FARS2: variants seen among roughly 807,000 people sequenced by gnomAD.
FARS2 encodes the protein phenylalanine--tRNA ligase, mitochondrial.
Under a neutral mutation model 46.4 loss-of-function variants are expected in FARS2, and 40 were observed. The ratio of observed to expected loss-of-function variants is 0.86; its 90% CI spans 0.67 to 1.12. The LOEUF is 1.12. Among genes scored for constraint, FARS2 ranks in the 50% most tolerant of loss-of-function variants. The pLI is 0.00. For synonymous variants in FARS2, 234 were observed against 214.9 expected (o/e 1.09, Z -0.78); for missense variants, 513 against 567.9 (o/e 0.90, Z 0.98).
intron 4 of FARS2, among the ~76,000 whole-genome samples, chr6:5,453,641 T>C (rs940692816): frequency 2.2e-4 from 34 of 152,362 alleles, no homozygotes; most frequent in African/African-American, 8.2e-4. Context: ...AATCCAAATC[T>C]GCAAATTATT....
chr6:5,656,222 C>T (rs879405379), intron 6 of FARS2, among the ~76,000 whole-genome samples: 1 of 152,184 alleles, frequency 6.6e-6, no homozygotes, highest in Admixed American at 6.5e-5. Context: ...ATCCCCAACT[C>T]CAGAATTCCT....
At position 5,487,476 on chromosome 6, in the gene FARS2, A is replaced by G. The variant is rs533813132; in HGVS notation, c.904+56304A>G. On this transcript the variant is annotated intron_variant, in intron 4 of 6. Coordinates refer to ENST00000274680, the MANE Select transcript of FARS2 (RefSeq NM_006567.5). ...AAGGTCAAAAACATACCTCAATGAT[A>G]TGTTTTTATGTTTAATACCTACAAC... Among the ~76,000 whole-genome samples the G allele has an allele frequency of 2.6e-5, 4 of 152,306 alleles. No individual in the cohort carries two copies. In the East Asian group the frequency reaches 7.7e-4, roughly 29 times the overall value.
chr6:5,472,004 GT>G (rs778960717), intron 4 of FARS2, among the ~76,000 whole-genome samples: 9 of 152,340 alleles, frequency 5.9e-5, no homozygotes, highest in Admixed American at 1.3e-4. Context: ...CCCACATGGA[GT>G]TTTAATTTCC....
chr6:5,527,338 A>T (rs1769533527), intron 4 of FARS2, among the ~76,000 whole-genome samples: 1 of 152,228 alleles, frequency 6.6e-6, no homozygotes, highest in South Asian at 2.1e-4. Context: ...GGCTCAGAGG[A>T]TTTATTCAAT....
intron 4 of FARS2, among the ~76,000 whole-genome samples, chr6:5,478,024 A>G (rs923364412): frequency 6.7e-6 from 1 of 149,286 alleles, no homozygotes; most frequent in Non-Finnish European, 1.5e-5. Flanking sequence ...TGTCTCAGAA[A>G]ACAAACAAAC....
At chr6:5,375,700 T>C (rs1759333411) in intron 2 of FARS2, among the ~76,000 whole-genome samples, 1 of 152,100 alleles carries the variant, frequency 6.6e-6, no homozygotes, top group Admixed American at 6.5e-5. Context: ...TTATGAAATA[T>C]AAGTGATATT....
At chr6:5,457,267 C>G (rs1764949690) in intron 4 of FARS2, among the ~76,000 whole-genome samples, 1 of 152,186 alleles carries the variant, frequency 6.6e-6, no homozygotes, top group Non-Finnish European at 1.5e-5. Flanking sequence ...CCCCTATGGT[C>G]AGGGGGCATG....
chr6:5,643,814 A>ATTTC (rs953383330), intron 6 of FARS2, among the ~76,000 whole-genome samples: 8 of 152,296 alleles, frequency 5.3e-5, no homozygotes, highest in African/African-American at 1.9e-4. Context: ...GAAAAGGGAA[A>ATTTC]GAAAGACTTG....
At chr6:5,496,179 T>C (rs1016424073) in intron 4 of FARS2, among the ~76,000 whole-genome samples, 1 of 152,154 alleles carries the variant, frequency 6.6e-6, no homozygotes, top group Non-Finnish European at 1.5e-5. Context: ...TAATACTCCA[T>C]TGAGTACTCT....
At chr6:5,669,783 A>C (rs1214572028) in intron 6 of FARS2, among the ~76,000 whole-genome samples, 1 of 152,122 alleles carries the variant, frequency 6.6e-6, no homozygotes, top group East Asian at 1.9e-4. Context: ...TCTCACCTGC[A>C]AGAGCACCCA....
intron 1 of FARS2, among the ~76,000 whole-genome samples, chr6:5,286,485 C>T (rs147234235): frequency 1.9e-3 from 283 of 152,208 alleles, no homozygotes; most frequent in African/African-American, 5.2e-3. Context: ...CTGTTAACTC[C>T]TGGGCTGAAG....
upstream of FARS2, among the ~76,000 whole-genome samples, chr6:5,256,491 GAAAAAAAAAAAAAAA>G (rs1161084364): frequency 3.2e-4 from 14 of 43,878 alleles, no homozygotes; most frequent in South Asian, 5.0e-3. Context: ...ATTTCAACTG[GAAAAAAAAAAAAAAA>G]AAAAAAAAAA....
intron 6 of FARS2, among the ~76,000 whole-genome samples, chr6:5,743,363 G>A (rs908916333): frequency 6.6e-6 from 1 of 152,188 alleles, no homozygotes; most frequent in African/African-American, 2.4e-5. Context: ...TTTTGGGGGT[G>A]CTGGCCACAA....
At chr6:5,582,134 C>T (rs6597146) in intron 5 of FARS2, among the ~76,000 whole-genome samples, 68,972 of 94,728 alleles carry the variant, frequency 0.73, 24,279 homozygotes, top group South Asian at 0.82. Flanking sequence ...AACATACTTC[C>T]GGTTAATTCC....
intron 2 of FARS2, among the ~76,000 whole-genome samples, chr6:5,378,582 T>C (rs1280485513): frequency 1.3e-5 from 2 of 152,208 alleles, no homozygotes; most frequent in African/African-American, 4.8e-5. Flanking sequence ...TGAATCACTT[T>C]TCTGTCTTTC....
At chr6:5,673,761 CA>C (rs1778605165) in intron 6 of FARS2, among the ~76,000 whole-genome samples, 1 of 152,156 alleles carries the variant, frequency 6.6e-6, no homozygotes. Flanking sequence ...GATTTGCACA[CA>C]GGGGTGCCAG....
chr6:5,608,809 C>A (rs1482784137), intron 5 of FARS2, among the ~76,000 whole-genome samples: 1 of 152,070 alleles, frequency 6.6e-6, no homozygotes, highest in Non-Finnish European at 1.5e-5. Context: ...CCTGGCATCA[C>A]CCTGAAGGAA....
intron 4 of FARS2, among the ~76,000 whole-genome samples, chr6:5,482,185 A>G (rs1766504470): frequency 6.6e-6 from 1 of 152,194 alleles, no homozygotes; most frequent in Admixed American, 6.5e-5. Flanking sequence ...CATTTCAAAA[A>G]GTCTAGGAAG....
intron 1 of FARS2, among the ~76,000 whole-genome samples, chr6:5,360,098 G>T (rs1758205276): frequency 6.6e-6 from 1 of 152,176 alleles, no homozygotes. Flanking sequence ...CAGGAAAAGG[G>T]TGTGAGATGC....
Sources: allele counts gnomAD v4.1 joint callset (sites outside exome capture counted in the v4.1 genomes callset), GRCh38; gene constraint gnomAD v4.1.1; transcripts MANE v1.5; gene names NCBI Gene and HGNC (gene_info 2026-07-23, HGNC 2026-07-21).